The following SUGT1 variants were observed in gnomAD, a reference collection of about 807,000 sequenced individuals.
The protein encoded by SUGT1 is protein SGT1 homolog.
Under a neutral mutation model 56.1 loss-of-function variants are expected in SUGT1, and 15 were observed. The ratio of observed to expected loss-of-function variants is 0.27; its 90% CI spans 0.18 to 0.41. The LOEUF is 0.41. Among genes scored for constraint, SUGT1 ranks in the 10% least tolerant of loss-of-function variants. SUGT1 has a pLI of 1.00. For synonymous variants in SUGT1, 123 were observed against 128.6 expected (o/e 0.96, Z 0.30); for missense variants, 347 against 382.2 (o/e 0.91, Z 0.77).
intron 12 of SUGT1, among the ~76,000 whole-genome samples, chr13:52,686,143 G>T (rs1050410801): frequency 6.6e-6 from 1 of 151,962 alleles, no homozygotes; most frequent in African/African-American, 2.4e-5. Flanking sequence ...GGCCAGGCTG[G>T]TCTTGAACTC....
In SUGT1 at chr13:52,698,448, C is replaced by CTTTTTTTTTTT. The variant is rs10679796; in HGVS notation, c.*10623_*10633dup. On this transcript the variant is annotated 3_prime_UTR_variant, in exon 13 of 13. Coordinates refer to ENST00000310528, the MANE Select transcript of SUGT1 (RefSeq NM_006704.5). ...TCTCTTAAAACTTATTTATCCTAAT[C>CTTTTTTTTTTT]TTTTTTTTTTTTTTTTTTTTAAGAG... The CTTTTTTTTTTT allele has an allele frequency of 9.1e-6, 1 of 109,838 alleles. No individual in the cohort carries two copies. 6.8% of individuals were successfully genotyped at this position (109,838 alleles called of 1,614,324 possible).
intron 10 of SUGT1, among the ~76,000 whole-genome samples, chr13:52,675,288 A>G (rs1007481106): frequency 6.6e-6 from 1 of 152,210 alleles, no homozygotes; most frequent in African/African-American, 2.4e-5. Flanking sequence ...TATTTTAAAA[A>G]TCCACCTGGG....
Position 52,653,072 on chromosome 13 carries a change from T to C in SUGT1, c.65T>C (p.Leu22Pro). The C allele has an allele frequency of 6.2e-7, 1 of 1,614,190 alleles. No homozygotes were observed. The highest frequency in any genetic ancestry group is 8.5e-7 in the Non-Finnish European group (1 of 1,180,024). The change falls in exon 2 of 13, where the codon CTA (leucine) becomes CCA (proline). Residue 22 changes from leucine to proline, a missense_variant. By Grantham distance (98) the Leu-to-Pro change is moderately conservative. Transcript: ENST00000310528. ...TTTTTCCAGAGCTTCTCGGATGCCC[T>C]AATCGACGAGGACCCCCAGGCGGCG... ...QRFFQSFSDA[L>P]IDEDPQAALE...
intron 10 of SUGT1, among the ~76,000 whole-genome samples, chr13:52,668,877 T>G (rs981341574): frequency 1.3e-5 from 2 of 151,876 alleles, no homozygotes; most frequent in Non-Finnish European, 2.9e-5. Flanking sequence ...TTTGGAGTTA[T>G]TTAAATTGAG....
At chr13:52,672,838 A>G (rs1246224131) in intron 10 of SUGT1, among the ~76,000 whole-genome samples, 1 of 152,178 alleles carries the variant, frequency 6.6e-6, no homozygotes, top group Non-Finnish European at 1.5e-5. Context: ...TTTCATTGGA[A>G]AGAATTAAAC....
At position 52,692,832 on chromosome 13, in the gene SUGT1, G is replaced by A. The variant is rs1030189531; in HGVS notation, c.*4997G>A. 6.6e-6 allele frequency: 1 copy of A among 152,226 alleles called. No individual in the cohort carries two copies. The highest frequency in any genetic ancestry group is 1.5e-5 in the Non-Finnish European group (1 of 68,044). The allele number at this position is 152,226 out of a possible 1,614,324, so 9.4% of individuals were successfully genotyped here. A position where few individuals can be genotyped will look rare whatever the true frequency, so the allele number is the denominator to read the frequency against. On this transcript the variant is annotated 3_prime_UTR_variant, in exon 13 of 13. Coordinates refer to ENST00000310528, the MANE Select transcript of SUGT1 (RefSeq NM_006704.5). The stretch of plus-strand genomic sequence containing the variant: ...ATACTGGAAGTAATGCAAAGAAGTA[G>A]TCTGATTTTTGAGAGGGTGCTGTTT...
chr13:52,665,367 A>G (rs532403762), intron 8 of SUGT1, among the ~76,000 whole-genome samples: 10 of 152,338 alleles, frequency 6.6e-5, no homozygotes, highest in African/African-American at 2.4e-4. Context: ...TTTAAGCACA[A>G]CAGTGCTAGA....
chr13:52,655,626 G>T lies in SUGT1; in HGVS notation c.97-1906G>T, dbSNP rs147990152. Among the ~76,000 whole-genome samples, 861 of 152,228 alleles carry T rather than the reference G, an allele frequency of 5.7e-3. 10 individuals are homozygous for T. Among genetic ancestry groups the T allele is most frequent in the African/African-American group, 0.02 (822 of 41,522 alleles). On this transcript the variant is annotated intron_variant, in intron 2 of 12. Transcript: ENST00000310528. The stretch of plus-strand genomic sequence containing the variant: ...GACTTGGTGACGATTAGAATATAAG[G>T]GATGTCTCCTGAGTTTCTGGCTGGG...
intron 2 of SUGT1, among the ~76,000 whole-genome samples, chr13:52,654,698 T>A (rs1263693152): frequency 6.6e-6 from 1 of 152,276 alleles, no homozygotes; most frequent in Non-Finnish European, 1.5e-5. Context: ...AGGTGCTTTA[T>A]TGAATGTAGA....
In SUGT1 at chr13:52,664,439, CTGTA is replaced by C. The variant is rs570949459; in HGVS notation, c.422+385_422+388del. 1.7e-3 allele frequency among the ~76,000 whole-genome samples: 266 copies of C among 152,234 alleles called. 1 individual carries two copies. The highest frequency in any genetic ancestry group is 6.2e-3 in the African/African-American group (256 of 41,540). On this transcript the variant is annotated intron_variant, in intron 8 of 12. Transcript: ENST00000310528. ...GGAGCAAATTTTTCATAGGAACATT[CTGTA>C]TGCGTTGAAAGTTAATATTGCTGAG...
rs1300451257 is a variant in SUGT1, at chr13:52,690,044, AC to A, written c.*2212del. On this transcript the variant is annotated 3_prime_UTR_variant, in exon 13 of 13. Coordinates refer to ENST00000310528, the MANE Select transcript of SUGT1 (RefSeq NM_006704.5). The stretch of plus-strand genomic sequence containing the variant: ...AGGATATATTATCTAGAATATGCTT[AC>A]CCATTGGCTAGATTTGCTAAGTGTT... 6.6e-6 allele frequency: 1 copy of A among 152,150 alleles called. No homozygotes were observed. The highest frequency in any genetic ancestry group is 2.4e-5 in the African/African-American group (1 of 41,432). The allele number at this position is 152,150 out of a possible 1,614,324, so 9.4% of individuals were successfully genotyped here. A position where few individuals can be genotyped will look rare whatever the true frequency, so the allele number is the denominator to read the frequency against.
chr13:52,669,684 C>G (rs1002211322), intron 10 of SUGT1, among the ~76,000 whole-genome samples: 1 of 152,072 alleles, frequency 6.6e-6, no homozygotes, highest in Non-Finnish European at 1.5e-5. Context: ...TGTCCTGACC[C>G]TGGAATCTCT....
At chr13:52,677,205 G>A (rs1963182176) in intron 11 of SUGT1, among the ~76,000 whole-genome samples, 3 of 152,128 alleles carry the variant, frequency 2.0e-5, no homozygotes, top group African/African-American at 7.2e-5. Flanking sequence ...GTGTGTGTGT[G>A]TATAGTTATT....
intron 9 of SUGT1, among the ~76,000 whole-genome samples, chr13:52,666,173 C>T (rs974216281): frequency 6.6e-6 from 1 of 152,192 alleles, no homozygotes; most frequent in African/African-American, 2.4e-5. Context: ...GCAGCCTCCT[C>T]CTCCTGGGTT....
chr13:52,695,427 A>G lies in SUGT1; in HGVS notation c.*7592A>G, dbSNP rs997911148. On this transcript the variant is annotated 3_prime_UTR_variant, in exon 13 of 13. Transcript: ENST00000310528. The stretch of plus-strand genomic sequence containing the variant: ...TTCATAATTGTGTGTTTTGAGGGCA[A>G]GTGACTTATCTGAACTTTTTTCTTT... The G allele has an allele frequency of 2.0e-5, 3 of 152,196 alleles. No individual in the cohort carries two copies. The highest frequency in any genetic ancestry group is 4.4e-5 in the Non-Finnish European group (3 of 68,038). 9.4% of individuals were successfully genotyped at this position (152,196 alleles called of 1,614,324 possible).
chr13:52,652,850 C>G lies in SUGT1; in HGVS notation c.-71C>G. ...GGTTGGTGTTTCTCCAGAAGTTTCC[C>G]CCTTGGGCGGTGGTGGAGGTGGTAA... On this transcript the variant is annotated 5_prime_UTR_variant, in exon 1 of 13. Transcript: ENST00000310528. The G allele has an allele frequency of 1.3e-6, 2 of 1,574,454 alleles. No homozygotes were observed. Among genetic ancestry groups the G allele is most frequent in the Non-Finnish European group, 8.6e-7 (1 of 1,158,564 alleles).
chr13:52,673,136 C>T (rs1387359937), intron 10 of SUGT1, among the ~76,000 whole-genome samples: 1 of 152,016 alleles, frequency 6.6e-6, no homozygotes, highest in Non-Finnish European at 1.5e-5. Flanking sequence ...ACTATCTGCC[C>T]GAATCATGAA....
intron 10 of SUGT1, among the ~76,000 whole-genome samples, chr13:52,673,994 T>C (rs1963043009): frequency 6.6e-6 from 1 of 151,544 alleles, no homozygotes; most frequent in South Asian, 2.1e-4. Flanking sequence ...GAGATTCTTA[T>C]GAAATATGTT....
intron 10 of SUGT1, among the ~76,000 whole-genome samples, chr13:52,675,719 C>G (rs1268284972): frequency 6.6e-6 from 1 of 152,220 alleles, no homozygotes; most frequent in African/African-American, 2.4e-5. Context: ...AGTTTCTCCA[C>G]TGTAAAACAG....
Sources: gnomAD v4.1 joint callset for allele counts (sites outside exome capture counted in the v4.1 genomes callset) on GRCh38, gnomAD v4.1.1 for gene constraint, MANE v1.5 for transcripts, NCBI Gene and HGNC (gene_info 2026-07-23, HGNC 2026-07-21) for gene names.